ARSG: variants seen among roughly 807,000 people sequenced by gnomAD.
The protein encoded by ARSG is ASG.
A neutral mutation model predicts 50.5 loss-of-function variants in ARSG; 37 were observed. That is an observed-to-expected ratio of 0.73 (90% CI 0.56 to 0.96). The LOEUF (loss-of-function observed/expected upper bound fraction) is 0.96, where lower values mean the gene tolerates loss of function less well. Ranked by LOEUF, ARSG falls within the 50% of genes least tolerant of loss-of-function variation. The pLI, the probability that ARSG is intolerant of heterozygous loss-of-function variation, is 0.00. For synonymous variants in ARSG, 225 were observed against 254.6 expected (o/e 0.88, Z 1.11); for missense variants, 629 against 675.3 (o/e 0.93, Z 0.76).
intron 11 of ARSG, among the ~76,000 whole-genome samples, chr17:68,414,907 T>C (rs1474674717): frequency 6.6e-6 from 1 of 152,200 alleles, no homozygotes; most frequent in Non-Finnish European, 1.5e-5. Context: ...TTGAGTTTAT[T>C]TGGATTTTCT....
chr17:68,410,755 G>T (rs1165525502), intron 11 of ARSG, among the ~76,000 whole-genome samples: 1 of 152,154 alleles, frequency 6.6e-6, no homozygotes, highest in Non-Finnish European at 1.5e-5. Flanking sequence ...TCTGGTCCTG[G>T]ACTCTTTTTG....
chr17:68,340,816 C>T (rs114594110), intron 2 of ARSG, among the ~76,000 whole-genome samples: 301 of 152,226 alleles, frequency 2.0e-3, no homozygotes, highest in African/African-American at 7.0e-3. Flanking sequence ...TTGCCACAGG[C>T]GTGTCAATGA....
In ARSG at chr17:68,412,668, G is replaced by T. The variant is rs765061058; in HGVS notation, c.1304-7521G>T. Among the ~76,000 whole-genome samples the T allele has an allele frequency of 5.1e-3, 776 of 152,240 alleles. 8 individuals carry two copies. The highest frequency in any genetic ancestry group is 0.034 in the Middle Eastern group (10 of 294). ...ATTTCCTGAATCTGAATGTTGGCCTGCCTTGCTAGATTGGGGAAGTTCTCC... is the reference window on the plus strand; with the variant it reads ...ATTTCCTGAATCTGAATGTTGGCCTTCCTTGCTAGATTGGGGAAGTTCTCC... On this transcript the variant is annotated intron_variant, in intron 11 of 11. Transcript: ENST00000621439.
chr17:68,416,424 T>C (rs2082368339), intron 11 of ARSG, among the ~76,000 whole-genome samples: 1 of 152,164 alleles, frequency 6.6e-6, no homozygotes, highest in African/African-American at 2.4e-5. Flanking sequence ...TATTTTTGTC[T>C]CATGTTTTTC....
Position 68,413,250 on chromosome 17 carries a change from T to C in ARSG, c.1304-6939T>C, listed in dbSNP as rs1049906146. Reference sequence around the variant, plus strand: ...CTCTGTTTTTTCCCCATCTTTGTGGTTTTATCTACGTTTGGTCTTTGATGA... The same window carrying C: ...CTCTGTTTTTTCCCCATCTTTGTGGCTTTATCTACGTTTGGTCTTTGATGA... On this transcript the variant is annotated intron_variant, in intron 11 of 11. Transcript: ENST00000621439. Among the ~76,000 whole-genome samples the C allele has an allele frequency of 7.2e-4, 109 of 152,202 alleles. 1 individual carries two copies. The highest frequency in any genetic ancestry group is 3.4e-3 in the Middle Eastern group (1 of 294).
chr17:68,291,900 C>G (rs1450739285), intron 1 of ARSG, among the ~76,000 whole-genome samples: 10 of 151,930 alleles, frequency 6.6e-5, no homozygotes, highest in South Asian at 2.1e-4. Flanking sequence ...CGGGGCTGAT[C>G]CCGCGCGGCG....
upstream of ARSG, among the ~76,000 whole-genome samples, chr17:68,287,272 A>C (rs1174569748): frequency 6.6e-6 from 1 of 151,584 alleles, no homozygotes; most frequent in Non-Finnish European, 1.5e-5. Flanking sequence ...GATAGTATCT[A>C]AACGATAGTG....
intron 10 of ARSG, among the ~76,000 whole-genome samples, chr17:68,396,310 TC>T (rs1189263500): frequency 1.3e-5 from 2 of 152,138 alleles, no homozygotes; most frequent in Non-Finnish European, 2.9e-5. Context: ...AGCCACTGTA[TC>T]CGACCTGCAG....
chr17:68,266,071 T>C lies in ARSG; in HGVS notation c.-552+6645T>C, dbSNP rs184572131. 1.4e-3 allele frequency among the ~76,000 whole-genome samples: 220 copies of C among 152,308 alleles called. 4 individuals are homozygous for C. Among genetic ancestry groups the C allele is most frequent in the Middle Eastern group, 0.014 (4 of 294 alleles). On this transcript the variant is annotated intron_variant, in intron 1 of 11. Transcript: ENST00000448504. ...CTTGGAATGACTCTGTAACTGGTTGTGGTCTTTAACTATTTGCCTTTATGA... is the reference window on the plus strand; with the variant it reads ...CTTGGAATGACTCTGTAACTGGTTGCGGTCTTTAACTATTTGCCTTTATGA...
intron 1 of ARSG, among the ~76,000 whole-genome samples, chr17:68,277,464 C>G (rs2075562564): frequency 6.6e-6 from 1 of 152,096 alleles, no homozygotes; most frequent in African/African-American, 2.4e-5. Context: ...GTGTCTCGCT[C>G]TGTTGCCCAG....
intron 9 of ARSG, among the ~76,000 whole-genome samples, chr17:68,389,973 C>CCTTA (rs1454957139): frequency 6.6e-6 from 1 of 150,668 alleles, no homozygotes; most frequent in African/African-American, 2.5e-5. Flanking sequence ...GCAGGCCAGG[C>CCTTA]CTTTCTTTCT....
chr17:68,264,237 G>A (rs1212645279), intron 1 of ARSG, among the ~76,000 whole-genome samples: 3 of 152,122 alleles, frequency 2.0e-5, no homozygotes, highest in Non-Finnish European at 2.9e-5. Flanking sequence ...ATACCACCTG[G>A]TGATTTGAAT....
intron 8 of ARSG, among the ~76,000 whole-genome samples, chr17:68,380,151 T>C (rs10438688): frequency 0.41 from 61,726 of 151,684 alleles, 12,883 homozygotes; most frequent in African/African-American, 0.51. Flanking sequence ...GAATAGAAAA[T>C]ATATTTTGTC....
At chr17:68,356,212 C>T (rs1379874651) in intron 5 of ARSG, among the ~76,000 whole-genome samples, 1 of 152,182 alleles carries the variant, frequency 6.6e-6, no homozygotes, top group Admixed American at 6.6e-5. Flanking sequence ...ATTGACAGAC[C>T]TGCTATTACA....
chr17:68,427,283 G>GA (rs1426447308), downstream of ARSG: 2 of 1,549,680 alleles, frequency 1.3e-6, no homozygotes, highest in Non-Finnish European at 8.9e-7. Context: ...GGAGGTGAAA[G>GA]AAAAAAGAAA....
intron 2 of ARSG, among the ~76,000 whole-genome samples, chr17:68,316,778 A>G (rs1555768689): frequency 6.6e-6 from 1 of 152,064 alleles, no homozygotes; most frequent in African/African-American, 2.4e-5. Context: ...ATGATTCCCT[A>G]TGACACCGGC....
intron 2 of ARSG, among the ~76,000 whole-genome samples, chr17:68,324,827 A>G (rs1450357747): frequency 3.9e-5 from 6 of 152,180 alleles, no homozygotes; most frequent in Non-Finnish European, 7.3e-5. Flanking sequence ...GCTAATGCCT[A>G]TTTATACCTT....
intron 2 of ARSG, among the ~76,000 whole-genome samples, chr17:68,326,477 C>T (rs1394664383): frequency 6.6e-6 from 1 of 152,162 alleles, no homozygotes; most frequent in Non-Finnish European, 1.5e-5. Flanking sequence ...CCAGCCTGGC[C>T]AAGATGGTGA....
At chr17:68,354,482 G>C (rs1006403703) in intron 5 of ARSG, among the ~76,000 whole-genome samples, 2 of 151,656 alleles carry the variant, frequency 1.3e-5, no homozygotes, top group African/African-American at 4.8e-5. Context: ...AGGAGAGAGA[G>C]AAAAACAGGA....
Sources: gnomAD v4.1 joint callset for allele counts (sites outside exome capture counted in the v4.1 genomes callset) on GRCh38, gnomAD v4.1.1 for gene constraint, MANE v1.5 for transcripts, NCBI Gene and HGNC (gene_info 2026-07-23, HGNC 2026-07-21) for gene names.